ARHGEF10L: variants seen among roughly 807,000 people sequenced by gnomAD.
ARHGEF10L encodes the protein Rho guanine nucleotide exchange factor 10 like.
A neutral mutation model predicts 141.2 loss-of-function variants in ARHGEF10L; 69 were observed. The observed-to-expected ratio is 0.49, with a 90% CI of 0.40 to 0.60. ARHGEF10L has a LOEUF of 0.60. Ranked by LOEUF, ARHGEF10L falls within the 20% of genes least tolerant of loss-of-function variation. The probability of loss-of-function intolerance (pLI) is 0.00; values close to 1 mark genes in which losing one functional copy is unlikely to be tolerated. For synonymous variants in ARHGEF10L, 711 were observed against 718.5 expected (o/e 0.99, Z 0.17); for missense variants, 1,482 against 1,734.3 (o/e 0.85, Z 2.58).
At chr1:17,601,027 G>T (rs2080604958) in intron 4 of ARHGEF10L, among the ~76,000 whole-genome samples, 2 of 146,768 alleles carry the variant, frequency 1.4e-5, no homozygotes, top group Non-Finnish European at 3.0e-5. Flanking sequence ...TGAAGCCTGG[G>T]CGACAGAGCG....
chr1:17,539,527 C>G (rs2076638436), upstream of ARHGEF10L, among the ~76,000 whole-genome samples: 1 of 151,846 alleles, frequency 6.6e-6, no homozygotes, highest in African/African-American at 2.4e-5. This position sits in a 1 kb window ranked among gnomAD's most constrained non-coding sequence, Gnocchi z 6.0. Context: ...TGTGGGGGGC[C>G]GGTGGGCTGC....
rs1009414892 is a variant in ARHGEF10L, at chr1:17,656,995, C to T, written c.2860+287C>T. Among the ~76,000 whole-genome samples, 36 of 152,132 alleles carry T rather than the reference C, an allele frequency of 2.4e-4. No homozygotes were observed. The highest frequency in any genetic ancestry group is 8.0e-4 in the African/African-American group (33 of 41,420). On this transcript the variant is annotated intron_variant, in intron 25 of 28. Coordinates refer to ENST00000361221, the MANE Select transcript of ARHGEF10L (RefSeq NM_018125.4). This position sits in a 1 kb window ranked among gnomAD's most constrained non-coding sequence, Gnocchi z 4.9. Reference sequence around the variant, plus strand: ...CGCAGGTTGGAGAGACCTGGCTTCCCGTTCAGGCTTTGCCCGATGACAGCT... The same window carrying T: ...CGCAGGTTGGAGAGACCTGGCTTCCTGTTCAGGCTTTGCCCGATGACAGCT...
At chr1:17,687,241 G>T (rs1038440657) in intron 26 of ARHGEF10L, among the ~76,000 whole-genome samples, 2 of 152,210 alleles carry the variant, frequency 1.3e-5, no homozygotes, top group African/African-American at 4.8e-5. Context: ...GCTCGTGAGT[G>T]AGCGTGTGCA....
At chr1:17,630,606 G>T (rs898204978) in intron 15 of ARHGEF10L, among the ~76,000 whole-genome samples, 48 of 152,248 alleles carry the variant, frequency 3.2e-4, no homozygotes, top group African/African-American at 1.1e-3. Flanking sequence ...GCAGGGAATG[G>T]TGAACGTGGC....
intron 4 of ARHGEF10L, among the ~76,000 whole-genome samples, chr1:17,593,884 G>T (rs2079831094): frequency 6.6e-6 from 1 of 151,500 alleles, no homozygotes. Flanking sequence ...TTGTCTGTGG[G>T]GCTGGGCTGG....
chr1:17,519,558 C>T, the ARHGEF10L span, among the ~76,000 whole-genome samples: 2 of 151,790 alleles, frequency 1.3e-5, no homozygotes, highest in African/African-American at 2.4e-5. Context: ...TGTAGTGAGC[C>T]GTGATCTGAT....
At chr1:17,531,576 C>T in the ARHGEF10L span, among the ~76,000 whole-genome samples, 1 of 152,162 alleles carries the variant, frequency 6.6e-6, no homozygotes, top group Non-Finnish European at 1.5e-5. Context: ...CAGGATAGAG[C>T]CACCTTCCCT....
intron 4 of ARHGEF10L, among the ~76,000 whole-genome samples, chr1:17,592,648 T>C (rs1260092619): frequency 6.6e-6 from 1 of 152,086 alleles, no homozygotes; most frequent in East Asian, 1.9e-4. Context: ...TAGGGGCTCA[T>C]GGGAAGGGCA....
intron 21 of ARHGEF10L, among the ~76,000 whole-genome samples, chr1:17,641,227 T>C (rs1361637809): frequency 6.6e-6 from 1 of 152,252 alleles, no homozygotes; most frequent in East Asian, 1.9e-4. Flanking sequence ...TTCCCTATGA[T>C]GTACTACAGT....
chr1:17,553,947 C>A (rs1323215323), intron 1 of ARHGEF10L, among the ~76,000 whole-genome samples: 1 of 152,138 alleles, frequency 6.6e-6, no homozygotes, highest in Non-Finnish European at 1.5e-5. Context: ...AATGTGAGAA[C>A]TGAGACACAA....
intron 2 of ARHGEF10L, among the ~76,000 whole-genome samples, chr1:17,583,221 A>G (rs867840642): frequency 1.6e-4 from 24 of 150,678 alleles, no homozygotes; most frequent in African/African-American, 5.1e-4. Flanking sequence ...AAAAAAAAAA[A>G]AAGAAGGTGT....
At chr1:17,520,020 C>T in the ARHGEF10L span, among the ~76,000 whole-genome samples, 1 of 152,216 alleles carries the variant, frequency 6.6e-6, no homozygotes, top group South Asian at 2.1e-4. Flanking sequence ...CTGCCCTGTA[C>T]CCAGGCCCTG....
chr1:17,594,127 C>G (rs931599171), intron 4 of ARHGEF10L, among the ~76,000 whole-genome samples: 3 of 151,688 alleles, frequency 2.0e-5, no homozygotes, highest in Admixed American at 6.6e-5. Flanking sequence ...GTGTTTGGCT[C>G]TAGGGCCAGA....
At chr1:17,554,448 A>G (rs1477348509) in intron 1 of ARHGEF10L, among the ~76,000 whole-genome samples, 1 of 151,966 alleles carries the variant, frequency 6.6e-6, no homozygotes, top group Non-Finnish European at 1.5e-5. Context: ...TAGTCCACAC[A>G]TAGGACATCT....
intron 4 of ARHGEF10L, among the ~76,000 whole-genome samples, chr1:17,597,809 A>C (rs2080259636): frequency 6.6e-6 from 1 of 152,132 alleles, no homozygotes. Flanking sequence ...GGGTTTTGAT[A>C]AGGTGCAGCG....
chr1:17,597,732 T>A (rs2080250956), intron 4 of ARHGEF10L, among the ~76,000 whole-genome samples: 1 of 152,182 alleles, frequency 6.6e-6, no homozygotes, highest in South Asian at 2.1e-4. Context: ...GTGACCTCTC[T>A]ATGCTGTGGG....
chr1:17,679,371 T>C (rs997390830), intron 26 of ARHGEF10L, among the ~76,000 whole-genome samples: 2 of 152,140 alleles, frequency 1.3e-5, no homozygotes, highest in Non-Finnish European at 2.9e-5. Context: ...CAGAGAGGGA[T>C]CCATCCATGG....
chr1:17,623,971 G>C lies in ARHGEF10L; in HGVS notation c.1201-416G>C, dbSNP rs970019228. Among the ~76,000 whole-genome samples the C allele has an allele frequency of 1.3e-5, 2 of 152,148 alleles. No individual in the cohort carries two copies. Among genetic ancestry groups the C allele is most frequent in the Non-Finnish European group, 2.9e-5 (2 of 68,028 alleles). ...TAACTCAACTCTGGGCACGCTGCCC[G>C]GTGAGAGGCCAGGAGCACTTTCCTT... On this transcript the variant is annotated intron_variant, in intron 12 of 28. Coordinates refer to ENST00000361221, the MANE Select transcript of ARHGEF10L (RefSeq NM_018125.4). The surrounding 1 kb of genome is among the most constrained non-coding windows in gnomAD (Gnocchi z 4.7).
chr1:17,562,558 A>C (rs1262073377), intron 1 of ARHGEF10L, among the ~76,000 whole-genome samples: 1 of 152,260 alleles, frequency 6.6e-6, no homozygotes, highest in Non-Finnish European at 1.5e-5. Context: ...GACAGTGAGC[A>C]TTCATTTATT....
Sources: allele counts gnomAD v4.1 joint callset (sites outside exome capture counted in the v4.1 genomes callset), GRCh38; gene constraint gnomAD v4.1.1; non-coding constraint Gnocchi (gnomAD v3.1); transcripts MANE v1.5; gene names NCBI Gene and HGNC (gene_info 2026-07-23, HGNC 2026-07-21).